The following CHODL variants were observed in gnomAD, a reference collection of about 807,000 sequenced individuals.
CHODL encodes chondrolectin, also known as transmembrane protein MT75.
In CHODL, 29 loss-of-function variants were observed where a neutral mutation model predicts 34.5. The observed-to-expected ratio is 0.84, with a 90% CI of 0.63 to 1.15. The LOEUF is 1.15. CHODL is among the 50% of genes most tolerant of loss of function. The probability of loss-of-function intolerance (pLI) is 0.00; values close to 1 mark genes in which losing one functional copy is unlikely to be tolerated. For synonymous variants in CHODL, 125 were observed against 116.1 expected, an observed-to-expected ratio of 1.08 and a Z score of -0.49; for missense variants, 332 against 332.5, an observed-to-expected ratio of 1.00 and a Z score of 0.01.
chr21:17,967,985 T>TA (rs2063586343), intron 1 of CHODL, among the ~76,000 whole-genome samples: 1 of 152,228 alleles, frequency 6.6e-6, no homozygotes, highest in Admixed American at 6.5e-5. Context: ...TGGTCTCTAT[T>TA]AAAACAATGT....
chr21:18,174,123 G>GTATATATATATATATATA (rs1159511070), intron 2 of CHODL, among the ~76,000 whole-genome samples: 2 of 21,556 alleles, frequency 9.3e-5, no homozygotes, highest in Admixed American at 4.6e-4. Flanking sequence ...ATATCTTGGT[G>GTATATATATATATATATA]TATATATATA....
rs1027018890 is a variant in CHODL at position 17,938,647 on chromosome 21, G to T, written c.-145+21247G>T. On this transcript the variant is annotated intron_variant, in intron 1 of 6. Coordinates refer to the CHODL transcript ENST00000400127. ...GCGCCCGCCACCGCGCCTGGCTAAT[G>T]TTTTGTATTTTTAGTAGAGACGGGG... Among the ~76,000 whole-genome samples, 7 of 151,740 alleles carry T rather than the reference G, an allele frequency of 4.6e-5. 1 individual carries two copies. The highest frequency in any genetic ancestry group is 2.1e-4 in the South Asian group (1 of 4,806).
intron 2 of CHODL, among the ~76,000 whole-genome samples, chr21:18,136,280 T>C (rs910544259): frequency 3.3e-5 from 5 of 152,076 alleles, no homozygotes; most frequent in Non-Finnish European, 7.4e-5. Context: ...ATACTTCAGT[T>C]TGGGATTAGG....
chr21:18,030,556 G>C (rs1016871972), intron 2 of CHODL, among the ~76,000 whole-genome samples: 1 of 152,108 alleles, frequency 6.6e-6, no homozygotes, highest in Non-Finnish European at 1.5e-5. Flanking sequence ...CTGTTACATA[G>C]AAATACATAA....
At chr21:18,125,364 T>C (rs547926005) in intron 2 of CHODL, among the ~76,000 whole-genome samples, 1 of 152,214 alleles carries the variant, frequency 6.6e-6, no homozygotes, top group East Asian at 1.9e-4. Flanking sequence ...AAAAAGCAAA[T>C]AGTCCTACCT....
intron 1 of CHODL, among the ~76,000 whole-genome samples, chr21:17,926,193 T>C (rs954688028): frequency 6.6e-6 from 1 of 152,104 alleles, no homozygotes; most frequent in African/African-American, 2.4e-5. Flanking sequence ...ACATAACATG[T>C]GTTGATATTT....
At chr21:18,098,120 A>G (rs190639947) in intron 2 of CHODL, among the ~76,000 whole-genome samples, 2 of 152,166 alleles carry the variant, frequency 1.3e-5, no homozygotes, top group East Asian at 1.9e-4. Flanking sequence ...ACTACAAAAA[A>G]TTGAGGACAC....
chr21:18,223,692 C>T (rs1261433744), intron 2 of CHODL, among the ~76,000 whole-genome samples: 1 of 152,024 alleles, frequency 6.6e-6, no homozygotes, highest in East Asian at 1.9e-4. Context: ...CCCACCAGCA[C>T]CAAATGGCAT....
At chr21:18,039,688 T>G (rs1345993401) in intron 2 of CHODL, among the ~76,000 whole-genome samples, 1 of 151,726 alleles carries the variant, frequency 6.6e-6, no homozygotes, top group Admixed American at 6.6e-5. Flanking sequence ...TATAAATTAC[T>G]CCCTATCCTC....
In CHODL at chr21:18,161,153, G is replaced by T. The variant is rs188177327; in HGVS notation, c.-44-95356G>T. Among the ~76,000 whole-genome samples, 149 of 152,054 alleles carry T rather than the reference G, an allele frequency of 9.8e-4. No individual in the cohort carries two copies. The Middle Eastern group carries it at 0.058, about 59-fold the overall frequency. ...TGGAAAGTGTCTGTTCATGTCCTTT[G>T]CCCACTTTTTAATGGGGTAGTTTGT... On this transcript the variant is annotated intron_variant, in intron 2 of 6. Transcript: ENST00000400127.
intron 2 of CHODL, among the ~76,000 whole-genome samples, chr21:18,193,077 G>A (rs1259547889): frequency 2.6e-5 from 4 of 152,100 alleles, no homozygotes; most frequent in African/African-American, 9.7e-5. Flanking sequence ...ATAGTCAAAT[G>A]TGAACTAAAT....
At chr21:18,054,874 G>T (rs564697079) in intron 2 of CHODL, among the ~76,000 whole-genome samples, 8 of 151,910 alleles carry the variant, frequency 5.3e-5, no homozygotes, top group Non-Finnish European at 1.2e-4. Flanking sequence ...AACAATACTT[G>T]CTATGTCCCC....
chr21:18,260,675 G>A (rs144297413), intron 4 of CHODL, among the ~76,000 whole-genome samples: 28 of 152,166 alleles, frequency 1.8e-4, no homozygotes, highest in South Asian at 1.2e-3. Flanking sequence ...CTAGCCTGGC[G>A]TGGAGGTACA....
intron 2 of CHODL, among the ~76,000 whole-genome samples, chr21:18,200,370 A>T (rs1283143026): frequency 1.3e-5 from 2 of 152,196 alleles, no homozygotes; most frequent in African/African-American, 4.8e-5. Context: ...TTACCTCAAG[A>T]TAATAACCTT....
Position 17,965,341 on chromosome 21 carries a change from GT to G in CHODL, c.-145+47944del, listed in dbSNP as rs565507394. ...CAAAATTCACCATATGCTGGAAACT[GT>G]TTGTTCTTACCTCTATCTCATCTTT... On this transcript the variant is annotated intron_variant, in intron 1 of 6. Coordinates refer to the CHODL transcript ENST00000400127. 6.6e-4 allele frequency among the ~76,000 whole-genome samples: 100 copies of G among 152,222 alleles called. No individual in the cohort carries two copies. The South Asian group carries it at 8.5e-3, about 13-fold the overall frequency.
intron 1 of CHODL, among the ~76,000 whole-genome samples, chr21:18,008,183 G>A (rs1292819584): frequency 6.6e-6 from 1 of 151,048 alleles, no homozygotes; most frequent in Admixed American, 6.6e-5. Flanking sequence ...GTATATACTT[G>A]ATATACAGAA....
intron 1 of CHODL, among the ~76,000 whole-genome samples, chr21:17,995,310 A>G (rs565191109): frequency 6.6e-6 from 1 of 152,288 alleles, no homozygotes; most frequent in African/African-American, 2.4e-5. Flanking sequence ...TGTGAGGGCC[A>G]TGGGGCTCTC....
chr21:18,095,334 A>T (rs118020038), intron 2 of CHODL, among the ~76,000 whole-genome samples: 1 of 152,068 alleles, frequency 6.6e-6, no homozygotes, highest in African/African-American at 2.4e-5. Context: ...ATTACAGCTG[A>T]TACCACAGAA....
At chr21:18,239,512 G>A (rs1174354054) in intron 2 of CHODL, among the ~76,000 whole-genome samples, 1 of 151,878 alleles carries the variant, frequency 6.6e-6, no homozygotes, top group Non-Finnish European at 1.5e-5. Flanking sequence ...ATTATGGCTG[G>A]CTTTGGCACT....
Sources: allele counts gnomAD v4.1 joint callset (sites outside exome capture counted in the v4.1 genomes callset), GRCh38; gene constraint gnomAD v4.1.1; transcripts MANE v1.5; gene names NCBI Gene and HGNC (gene_info 2026-07-23, HGNC 2026-07-21).